Variants in WTIP observed in about 807,000 individuals in gnomAD.
The protein encoded by WTIP is WT1 interacting protein, also known as Wilms tumor protein 1-interacting protein.
A neutral mutation model predicts 41.7 loss-of-function variants in WTIP; 23 were observed. The observed-to-expected ratio is 0.55, with a 90% CI of 0.40 to 0.78. WTIP has a LOEUF of 0.78. Among genes scored for constraint, WTIP ranks in the 30% least tolerant of loss-of-function variants. WTIP has a pLI of 0.00. For synonymous variants in WTIP, 314 were observed against 269.9 expected, an observed-to-expected ratio of 1.16 and a Z score of -1.60; for missense variants, 619 against 610.5, an observed-to-expected ratio of 1.01 and a Z score of -0.15.
chr19:34,498,596 T>C (rs2075867955), intron 7 of WTIP: 1 of 152,376 alleles, frequency 6.6e-6, no homozygotes, highest in Admixed American at 6.5e-5. Context: ...GGTCTCCTGT[T>C]TTGTCTTTAA....
Position 34,507,160 on chromosome 19 carries a change from G to A in WTIP, c.*6891G>A, listed in dbSNP as rs1012732945. ...AAGCGCTTGAACCCGGGAGGCGGAG[G>A]TTGCAGTCAGCCGAGATCGTGCCAT... On this transcript the variant is annotated 3_prime_UTR_variant, in exon 8 of 8. Coordinates refer to ENST00000590071, the MANE Select transcript of WTIP (RefSeq NM_001080436.2). The A allele has an allele frequency of 6.7e-6, 1 of 149,894 alleles. No homozygotes were observed. Among genetic ancestry groups the A allele is most frequent in the Admixed American group, 6.7e-5 (1 of 14,918 alleles). The allele number at this position is 149,894 out of a possible 1,614,324, so 9.3% of individuals were successfully genotyped here. A position where few individuals can be genotyped will look rare whatever the true frequency, so the allele number is the denominator to read the frequency against.
At position 34,495,747 on chromosome 19, in the gene WTIP, C is replaced by T. The variant is rs745925872; in HGVS notation, c.1128C>T (p.Tyr376=). The change falls in exon 7 of 8, where the codon TAC becomes TAT. Residue 376 remains tyrosine (Y), a synonymous_variant. Transcript: ENST00000590071. ...GTGTGGTGTCCATGGACAGAGACTACCACGTGGCATGTTACCACTGTGAGG... is the reference window on the plus strand; with the variant it reads ...GTGTGGTGTCCATGGACAGAGACTATCACGTGGCATGTTACCACTGTGAGG... ...TIRVVSMDRD[Y]HVACYHCEDC... 12 of 1,613,872 alleles carry T rather than the reference C, an allele frequency of 7.4e-6. 1 individual carries two copies. The highest frequency in any genetic ancestry group is 4.4e-5 in the South Asian group (4 of 91,080).
At chr19:34,495,851 C>A in intron 7 of WTIP, 80 bp downstream of exon 7, 1 of 1,447,674 alleles carries the variant, frequency 6.9e-7, no homozygotes, top group Non-Finnish European at 9.5e-7. Context: ...GTTCTGTGGG[C>A]TTACCTTATC....
At chr19:34,490,550 C>G in intron 2 of WTIP, 73 bp downstream of exon 2, 1 of 1,456,596 alleles carries the variant, frequency 6.9e-7, no homozygotes, top group Non-Finnish European at 9.6e-7. Context: ...CTCAAACTGC[C>G]TTGCCCCTGA....
intron 1 of WTIP, among the ~76,000 whole-genome samples, chr19:34,487,628 C>T (rs2075804307): frequency 6.6e-6 from 1 of 152,174 alleles, no homozygotes; most frequent in African/African-American, 2.4e-5. Context: ...AGGAGATGAC[C>T]AAGTGTGGGC....
At position 34,508,649 on chromosome 19, in the gene WTIP, G is replaced by C. The variant is rs1028786421; in HGVS notation, c.*8380G>C. 1 of 152,214 alleles carries C rather than the reference G, an allele frequency of 6.6e-6. No individual in the cohort carries two copies. The highest frequency in any genetic ancestry group is 1.5e-5 in the Non-Finnish European group (1 of 68,074). 9.4% of individuals were successfully genotyped at this position (152,214 alleles called of 1,614,324 possible). On this transcript the variant is annotated 3_prime_UTR_variant, in exon 8 of 8. Transcript: ENST00000590071. The stretch of plus-strand genomic sequence containing the variant: ...GCCCTGTATGGAGCAGCTCAGCCTG[G>C]GATGCAGGAGCAGCTGTGTCCCTCC...
chr19:34,500,895 G>A lies in WTIP; in HGVS notation c.*626G>A, dbSNP rs966482399. On this transcript the variant is annotated 3_prime_UTR_variant, in exon 8 of 8. Transcript: ENST00000590071. The stretch of plus-strand genomic sequence containing the variant: ...GGAATTGGTCCTGGGGACTTTGATG[G>A]GTGTTTGCGGCCCCAGTTGCCGCCC... 1 of 152,316 alleles carries A rather than the reference G, an allele frequency of 6.6e-6. No individual in the cohort carries two copies. The highest frequency in any genetic ancestry group is 2.4e-5 in the African/African-American group (1 of 41,424). The allele number at this position is 152,316 out of a possible 1,614,324, so 9.4% of individuals were successfully genotyped here.
At chr19:34,492,057 A>T (rs1248480260) in intron 2 of WTIP, among the ~76,000 whole-genome samples, 1 of 150,928 alleles carries the variant, frequency 6.6e-6, no homozygotes. Context: ...CTTAACATAA[A>T]TGCATTCCTA....
chr19:34,495,223 C>T lies in WTIP; in HGVS notation c.1084-480C>T, dbSNP rs375278865. Among the ~76,000 whole-genome samples, 52 of 152,202 alleles carry T rather than the reference C, an allele frequency of 3.4e-4. 1 individual carries two copies. The South Asian group carries it at 1.0e-2, about 29-fold the overall frequency. ...CCAGCCTGGGCCGCCTAGTGAGACC[C>T]CATTTCTACAAAAAAAATAAAAAAT... On this transcript the variant is annotated intron_variant, in intron 6 of 7. Transcript: ENST00000590071.
rs139027981 is a variant in WTIP at position 34,498,943 on chromosome 19, C to T, written c.1153-1186C>T. Among the ~76,000 whole-genome samples the T allele has an allele frequency of 8.9e-3, 1,348 of 152,114 alleles. 9 individuals carry two copies. The highest frequency in any genetic ancestry group is 0.012 in the Non-Finnish European group (804 of 68,010). On this transcript the variant is annotated intron_variant, in intron 7 of 7. Coordinates refer to ENST00000590071, the MANE Select transcript of WTIP (RefSeq NM_001080436.2). ...TCACGTTTGGCTGGGTGCGGTGGCT[C>T]ACGCCTACAATCCCAGCACTTTGGG...
At position 34,506,162 on chromosome 19, in the gene WTIP, C is replaced by T. The variant is rs185333920; in HGVS notation, c.*5893C>T. Reference sequence around the variant, plus strand: ...CTGATGAGAAGTTGGCTGTGTCTCTCACGGAGCCTCTCTCGGAGGTGATGA... The same window carrying T: ...CTGATGAGAAGTTGGCTGTGTCTCTTACGGAGCCTCTCTCGGAGGTGATGA... On this transcript the variant is annotated 3_prime_UTR_variant, in exon 8 of 8. Transcript: ENST00000590071. The T allele has an allele frequency of 6.6e-6, 1 of 152,320 alleles. No individual in the cohort carries two copies. Among genetic ancestry groups the T allele is most frequent in the East Asian group, 1.9e-4 (1 of 5,172 alleles). The allele number at this position is 152,320 out of a possible 1,614,324, so 9.4% of individuals were successfully genotyped here. A position where few individuals can be genotyped will look rare whatever the true frequency, so the allele number is the denominator to read the frequency against.
At chr19:34,495,855 C>T in intron 7 of WTIP, 84 bp downstream of exon 7, 1 of 1,446,060 alleles carries the variant, frequency 6.9e-7, no homozygotes, top group Admixed American at 1.9e-5. Context: ...TGTGGGCTTA[C>T]CTTATCAAAA....
chr19:34,499,441 G>A (rs1450583983), intron 7 of WTIP, among the ~76,000 whole-genome samples: 2 of 152,062 alleles, frequency 1.3e-5, no homozygotes, highest in Non-Finnish European at 1.5e-5. Flanking sequence ...CCTGGAGGTC[G>A]AGGCTGCAGT....
chr19:34,494,524 T>A, intron 5 of WTIP, 62 bp from the exon 6 acceptor site: 1 of 1,558,042 alleles, frequency 6.4e-7, no homozygotes. Flanking sequence ...GGTGCCCCTG[T>A]GCTTGTGCCC....
Position 34,501,358 on chromosome 19 carries a change from G to A in WTIP, c.*1089G>A, listed in dbSNP as rs1254962700. On this transcript the variant is annotated 3_prime_UTR_variant, in exon 8 of 8. Transcript: ENST00000590071. ...AGACTTTAGGGTAGTGTGGGGTTCC[G>A]TGTGTGTCCGGGTGTTAAGGGCGGT... 6.6e-6 allele frequency: 1 copy of A among 152,226 alleles called. No individual in the cohort carries two copies. The highest frequency in any genetic ancestry group is 6.5e-5 in the Admixed American group (1 of 15,276). The allele number at this position is 152,226 out of a possible 1,614,324, so 9.4% of individuals were successfully genotyped here.
At chr19:34,492,719 G>A (rs894868070) in intron 2 of WTIP, among the ~76,000 whole-genome samples, 1 of 147,794 alleles carries the variant, frequency 6.8e-6, no homozygotes, top group African/African-American at 2.5e-5. Flanking sequence ...ATTCATTCCC[G>A]AAAATTTGCT....
chr19:34,482,842 A>T (rs1247636279), intron 1 of WTIP: 1 of 963,060 alleles, frequency 1.0e-6, no homozygotes, highest in South Asian at 4.8e-5. Flanking sequence ...CTGGATCCCC[A>T]GCAGCGGCTT....
At position 34,502,002 on chromosome 19, in the gene WTIP, T is replaced by A. The variant is rs1599968682; in HGVS notation, c.*1733T>A. On this transcript the variant is annotated 3_prime_UTR_variant, in exon 8 of 8. Coordinates refer to ENST00000590071, the MANE Select transcript of WTIP (RefSeq NM_001080436.2). ...CGGAGTGTCATTGTGTCACCCAGGC[T>A]GGAGTGCAGTGGCACAATCTTGGCT... 2 of 152,872 alleles carry A rather than the reference T, an allele frequency of 1.3e-5. No individual in the cohort carries two copies. The highest frequency in any genetic ancestry group is 4.8e-5 in the African/African-American group (2 of 41,510). The allele number at this position is 152,872 out of a possible 1,614,324, so 9.5% of individuals were successfully genotyped here.
At chr19:34,497,041 T>A (rs2075858206) in intron 7 of WTIP, among the ~76,000 whole-genome samples, 1 of 152,064 alleles carries the variant, frequency 6.6e-6, no homozygotes, top group Admixed American at 6.6e-5. Flanking sequence ...TTTTGTGTTT[T>A]TAGTAGTGAC....
Sources: gnomAD v4.1 joint callset for allele counts (sites outside exome capture counted in the v4.1 genomes callset) on GRCh38, gnomAD v4.1.1 for gene constraint, MANE v1.5 for transcripts, NCBI Gene and HGNC (gene_info 2026-07-23, HGNC 2026-07-21) for gene names.